The following NTM variants were observed in gnomAD, a reference collection of about 807,000 sequenced individuals.
The protein encoded by NTM is IgLON family member 2.
In NTM, 13 loss-of-function variants were observed where a neutral mutation model predicts 42.1. The observed-to-expected ratio is 0.31, with a 90% confidence interval of 0.20 to 0.49. The LOEUF is 0.49. NTM is among the 20% of genes least tolerant of loss of function. NTM has a pLI of 0.99. For synonymous variants in NTM, 187 were observed against 179.2 expected (o/e 1.04, Z -0.35); for missense variants, 373 against 452.8 (o/e 0.82, Z 1.60).
At chr11:131,851,533 G>GCGCGTT in intron 1 of NTM, among the ~76,000 whole-genome samples, 1 of 9,424 alleles carries the variant, frequency 1.1e-4, no homozygotes, top group East Asian at 3.1e-3. Context: ...TGAGAATGGC[G>GCGCGTT]TGTGTGTGTG....
intron 2 of NTM, among the ~76,000 whole-genome samples, chr11:132,086,107 G>T (rs955439942): frequency 6.6e-6 from 1 of 151,874 alleles, no homozygotes; most frequent in Non-Finnish European, 1.5e-5. Context: ...GGTGGATCAC[G>T]AGGTCAGGAG....
chr11:131,622,104 A>G (rs2062634797), intron 1 of NTM, among the ~76,000 whole-genome samples: 1 of 152,132 alleles, frequency 6.6e-6, no homozygotes, highest in Admixed American at 6.5e-5. Context: ...AAAGGGCCTG[A>G]GTGGGAGGAT....
At chr11:131,873,668 T>TATATATACAC (rs1565658355) in intron 1 of NTM, among the ~76,000 whole-genome samples, 1 of 105,426 alleles carries the variant, frequency 9.5e-6, no homozygotes, top group African/African-American at 4.7e-5. Flanking sequence ...TATATACACA[T>TATATATACAC]ATATATATAC....
At chr11:131,609,140 G>C (rs1175808674) in intron 1 of NTM, among the ~76,000 whole-genome samples, 3 of 152,198 alleles carry the variant, frequency 2.0e-5, no homozygotes, top group Non-Finnish European at 4.4e-5. Flanking sequence ...TGAGCTGGGC[G>C]AAGGCGTGGG....
At chr11:131,860,376 T>C (rs1259179169) in intron 1 of NTM, among the ~76,000 whole-genome samples, 1 of 152,154 alleles carries the variant, frequency 6.6e-6, no homozygotes, top group African/African-American at 2.4e-5. Flanking sequence ...GAGACTTTCT[T>C]ATGCTCTTTC....
At chr11:131,783,042 C>T (rs947050325) in intron 1 of NTM, among the ~76,000 whole-genome samples, 5 of 151,890 alleles carry the variant, frequency 3.3e-5, no homozygotes, top group African/African-American at 1.2e-4. Flanking sequence ...GTGTTAAATT[C>T]TCTGAATTTA....
chr11:131,718,070 G>C (rs1325360312), intron 1 of NTM, among the ~76,000 whole-genome samples: 1 of 152,244 alleles, frequency 6.6e-6, no homozygotes, highest in South Asian at 2.1e-4. Flanking sequence ...ACATGGCCCT[G>C]ATGTATACTT....
intron 1 of NTM, among the ~76,000 whole-genome samples, chr11:131,709,981 C>T (rs1272458686): frequency 6.6e-6 from 1 of 152,112 alleles, no homozygotes; most frequent in Non-Finnish European, 1.5e-5. Context: ...AAATGCTTAG[C>T]AGTGCAGAAT....
At chr11:131,652,361 G>A (rs948657509) in intron 1 of NTM, among the ~76,000 whole-genome samples, 30 of 152,106 alleles carry the variant, frequency 2.0e-4, no homozygotes, top group Non-Finnish European at 7.3e-5. Context: ...TGGGAAAATC[G>A]ATGTACTCAG....
intron 2 of NTM, among the ~76,000 whole-genome samples, chr11:132,085,797 G>A (rs2059628373): frequency 6.6e-6 from 1 of 152,128 alleles, no homozygotes; most frequent in Non-Finnish European, 1.5e-5. Flanking sequence ...TCTCTGGGTG[G>A]TGCCCTTTAA....
chr11:131,649,983 C>T (rs181228927), intron 1 of NTM, among the ~76,000 whole-genome samples: 101 of 152,264 alleles, frequency 6.6e-4, no homozygotes, highest in South Asian at 2.5e-3. Context: ...GCTTCTTTCC[C>T]GTTTATCTGA....
chr11:131,440,159 C>A (rs1480070144), intron 1 of NTM, among the ~76,000 whole-genome samples: 1 of 151,472 alleles, frequency 6.6e-6, no homozygotes, highest in Non-Finnish European at 1.5e-5. Flanking sequence ...CCAACTTTAT[C>A]CTCCTATATT....
At chr11:131,532,786 T>A (rs2051489229) in intron 1 of NTM, among the ~76,000 whole-genome samples, 1 of 152,242 alleles carries the variant, frequency 6.6e-6, no homozygotes. Flanking sequence ...AAGCACTATC[T>A]TATTGTGGTT....
chr11:131,990,397 T>G (rs1167775358), intron 2 of NTM, among the ~76,000 whole-genome samples: 1 of 152,142 alleles, frequency 6.6e-6, no homozygotes, highest in Non-Finnish European at 1.5e-5. Flanking sequence ...TTCATATTCT[T>G]TTAGGTGACC....
chr11:132,192,658 G>T (rs2079498341), intron 3 of NTM, among the ~76,000 whole-genome samples: 2 of 152,066 alleles, frequency 1.3e-5, no homozygotes, highest in East Asian at 3.9e-4. Context: ...TATCAATATT[G>T]ACATTGAATA....
intron 1 of NTM, among the ~76,000 whole-genome samples, chr11:131,684,373 T>C (rs1010958730): frequency 7.2e-5 from 11 of 152,162 alleles, no homozygotes; most frequent in Admixed American, 2.0e-4. Context: ...CTGGAAACTA[T>C]AGAAAGGCAG....
chr11:132,316,117 C>T (rs1258500383), intron 7 of NTM, among the ~76,000 whole-genome samples: 1 of 151,308 alleles, frequency 6.6e-6, no homozygotes, highest in African/African-American at 2.4e-5. Flanking sequence ...AGTCTTCCCC[C>T]CGCCACCCCC....
At chr11:132,323,753 T>A (rs1274274573) in intron 7 of NTM, among the ~76,000 whole-genome samples, 2 of 152,146 alleles carry the variant, frequency 1.3e-5, no homozygotes, top group African/African-American at 4.8e-5. Flanking sequence ...ATATCCTTGA[T>A]GAACATTGAT....
At chr11:131,724,973 G>A (rs989696596) in intron 1 of NTM, among the ~76,000 whole-genome samples, 1 of 152,170 alleles carries the variant, frequency 6.6e-6, no homozygotes, top group Non-Finnish European at 1.5e-5. Context: ...GGAGCCATGG[G>A]GTAGGTTTAC....
Sources: allele counts gnomAD v4.1 joint callset (sites outside exome capture counted in the v4.1 genomes callset), GRCh38; gene constraint gnomAD v4.1.1; transcripts MANE v1.5; gene names NCBI Gene and HGNC (gene_info 2026-07-23, HGNC 2026-07-21).